The following KMT5B variants were observed in gnomAD, a reference collection of about 807,000 sequenced individuals.
KMT5B encodes histone-lysine N-methyltransferase KMT5B.
In KMT5B, 10 loss-of-function variants were observed where a neutral mutation model predicts 83.2. The ratio of observed to expected loss-of-function variants is 0.12; its 90% CI spans 0.07 to 0.20. KMT5B has a LOEUF of 0.20. KMT5B is among the 10% of genes least tolerant of loss of function. KMT5B has a pLI of 1.00. For synonymous variants in KMT5B, 349 were observed against 388.8 expected (o/e 0.90, Z 1.20); for missense variants, 753 against 1,067.2 (o/e 0.71, Z 4.10).
At chr11:68,199,633 T>C (rs1365898785) in intron 1 of KMT5B, among the ~76,000 whole-genome samples, 3 of 152,196 alleles carry the variant, frequency 2.0e-5, no homozygotes, top group Non-Finnish European at 4.4e-5. Context: ...TGCTGGCAGC[T>C]TGCTACATGG....
chr11:68,202,781 T>C (rs1248450443), intron 1 of KMT5B, among the ~76,000 whole-genome samples: 1 of 152,084 alleles, frequency 6.6e-6, no homozygotes, highest in Non-Finnish European at 1.5e-5. Flanking sequence ...ACTCTTGACC[T>C]CGTGATTTGC....
intron 1 of KMT5B, among the ~76,000 whole-genome samples, chr11:68,206,119 C>A (rs1860078466): frequency 6.6e-6 from 1 of 152,198 alleles, no homozygotes; most frequent in Non-Finnish European, 1.5e-5. Flanking sequence ...AAGGTTTTCA[C>A]TGATGGGGTT....
intron 3 of KMT5B, among the ~76,000 whole-genome samples, chr11:68,182,255 C>T (rs1270678265): frequency 3.9e-5 from 6 of 152,148 alleles, no homozygotes; most frequent in South Asian, 2.1e-4. Context: ...CCACTTAGCA[C>T]GTCACAATGA....
intron 10 of KMT5B, among the ~76,000 whole-genome samples, chr11:68,162,347 A>T (rs996955841): frequency 1.3e-5 from 2 of 152,040 alleles, no homozygotes; most frequent in African/African-American, 2.4e-5. Context: ...CTTAGCCTGT[A>T]CTCGCCATGA....
At chr11:68,180,333 G>C in intron 3 of KMT5B, 133 bp from the exon 4 acceptor site, 1 of 1,236,048 alleles carries the variant, frequency 8.1e-7, no homozygotes. Context: ...AGAACTTTAA[G>C]ATACCACAGG....
chr11:68,202,546 CTTTTTT>C (rs71040602), intron 1 of KMT5B, among the ~76,000 whole-genome samples: 4 of 121,988 alleles, frequency 3.3e-5, no homozygotes, highest in Admixed American at 9.2e-5. Flanking sequence ...CTAAGACACA[CTTTTTT>C]TTTTTTTTTT....
intron 1 of KMT5B, among the ~76,000 whole-genome samples, chr11:68,191,675 C>G (rs1183446727): frequency 6.6e-6 from 1 of 151,718 alleles, no homozygotes; most frequent in East Asian, 1.9e-4. Context: ...GTATTTTAAG[C>G]CAAGTATTAC....
In KMT5B at chr11:68,175,105, T is replaced by C; in HGVS notation, c.456A>G (p.Lys152=). Reference sequence around the variant, plus strand: ...CGCCTGAAGTCAAACATTTGAAGGCTTTCTCCAAGTGTTCATCTTTCTTAA... The same window carrying C: ...CGCCTGAAGTCAAACATTTGAAGGCCTTCTCCAAGTGTTCATCTTTCTTAA... ...ERFKKDEHLE[K]AFKCLTSGEW... Residue 152 remains lysine (K), a synonymous_variant, in exon 5 of 11, where the codon AAA becomes AAG. Transcript: ENST00000304363. 1 of 1,613,924 alleles carries C rather than the reference T, an allele frequency of 6.2e-7. No individual in the cohort carries two copies. Among genetic ancestry groups the C allele is most frequent in the Non-Finnish European group, 8.5e-7 (1 of 1,179,784 alleles).
intron 3 of KMT5B, among the ~76,000 whole-genome samples, chr11:68,180,696 C>T (rs1180610727): frequency 6.6e-6 from 1 of 152,184 alleles, no homozygotes; most frequent in African/African-American, 2.4e-5. Context: ...CACTGCTGGC[C>T]TGAGTCGCCT....
At chr11:68,213,475 A>C (rs1434042399), upstream of KMT5B, 1 of 145,276 alleles carries the variant, frequency 6.9e-6, no homozygotes, top group Non-Finnish European at 1.5e-5. Flanking sequence ...CCGGGGCCTC[A>C]CCTCGCCTCG....
intron 1 of KMT5B, among the ~76,000 whole-genome samples, chr11:68,204,634 T>TTTTTC: frequency 6.7e-6 from 1 of 148,200 alleles, no homozygotes. Context: ...TTTTTTTTTT[T>TTTTTC]TGACACAGAG....
At chr11:68,205,583 T>A (rs1396215854) in intron 1 of KMT5B, among the ~76,000 whole-genome samples, 3 of 152,140 alleles carry the variant, frequency 2.0e-5, no homozygotes, top group African/African-American at 7.2e-5. Flanking sequence ...AGGAGCAAAC[T>A]ATCCACTACT....
At chr11:68,181,077 T>C (rs10896299) in intron 3 of KMT5B, among the ~76,000 whole-genome samples, 78,226 of 147,592 alleles carry the variant, frequency 0.53, 20,663 homozygotes, top group South Asian at 0.67. Flanking sequence ...TCTTTTTTCT[T>C]TTTTTTTTTT....
chr11:68,158,670 T>G lies in KMT5B; in HGVS notation c.1676A>C (p.Asn559Thr). The G allele has an allele frequency of 6.2e-7, 1 of 1,614,108 alleles. No homozygotes were observed. Among genetic ancestry groups the G allele is most frequent in the Non-Finnish European group, 8.5e-7 (1 of 1,180,016 alleles). ...ACTGCTTTTATAGCCATTCAACGTA[T>G]TTGGTTCAAGCTTGATGTCAGAGGC... ...KEASDIKLEP[N>T]TLNGYKSSVT... is the part of the protein sequence containing the mutation. Residue 559 changes from asparagine to threonine, a missense_variant, in exon 11 of 11, where the codon AAT (asparagine) becomes ACT (threonine). Asn to Thr is a moderately conservative substitution (Grantham distance 65, BLOSUM62 0). Transcript: ENST00000304363.
intron 2 of KMT5B, 71 bp from the exon 3 acceptor site, chr11:68,185,999 G>T: frequency 1.5e-6 from 2 of 1,352,686 alleles, no homozygotes; most frequent in Non-Finnish European, 1.0e-6. Context: ...AATCTTTAGC[G>T]GCATTGCCCA....
At chr11:68,189,385 G>C (rs953096970) in intron 2 of KMT5B, among the ~76,000 whole-genome samples, 1 of 152,220 alleles carries the variant, frequency 6.6e-6, no homozygotes. Context: ...CTTATCAGCA[G>C]TGTTTCACTG....
chr11:68,203,091 T>A (rs1859657738), intron 1 of KMT5B, among the ~76,000 whole-genome samples: 1 of 152,164 alleles, frequency 6.6e-6, no homozygotes. Context: ...TTCTCCTGCC[T>A]CAGCCTCCTG....
intron 1 of KMT5B, among the ~76,000 whole-genome samples, chr11:68,199,567 C>G (rs965414378): frequency 6.6e-6 from 1 of 152,166 alleles, no homozygotes; most frequent in African/African-American, 2.4e-5. Context: ...CCTTTACTCC[C>G]AGTGAGAGGG....
chr11:68,197,188 T>C (rs1257095053), intron 1 of KMT5B, among the ~76,000 whole-genome samples: 4 of 152,124 alleles, frequency 2.6e-5, no homozygotes, highest in African/African-American at 2.4e-5. Flanking sequence ...TTGGCCAGGA[T>C]AGTCTCGATC....
Sources: gnomAD v4.1 joint callset for allele counts (sites outside exome capture counted in the v4.1 genomes callset) on GRCh38, gnomAD v4.1.1 for gene constraint, MANE v1.5 for transcripts, NCBI Gene and HGNC (gene_info 2026-07-23, HGNC 2026-07-21) for gene names.